Variants in PPP4R2 observed in about 807,000 individuals in gnomAD.
PPP4R2 encodes protein phosphatase 4 regulatory subunit 2.
Under a neutral mutation model 47.2 loss-of-function variants are expected in PPP4R2, and 13 were observed. The observed-to-expected ratio is 0.28, with a 90% CI of 0.18 to 0.44. The LOEUF is 0.44. Among genes scored for constraint, PPP4R2 ranks in the 20% least tolerant of loss-of-function variants. PPP4R2 has a pLI of 1.00. For missense variants in PPP4R2, 421 were observed against 491.2 expected (o/e 0.86, Z 1.35); for synonymous variants, 151 against 163.3 (o/e 0.92, Z 0.57).
At chr3:73,026,021 A>G (rs1702056550) in intron 2 of PPP4R2, among the ~76,000 whole-genome samples, 1 of 151,972 alleles carries the variant, frequency 6.6e-6, no homozygotes, top group Admixed American at 6.6e-5. Flanking sequence ...TCCTAACTTG[A>G]TTTTGCTTGC....
rs145604384 is a variant in PPP4R2 at position 73,003,402 on chromosome 3, G to A, written c.116+5244G>A. ...TAATTTTTGTGTTTTTAGTAGAGAC[G>A]GGGTTTCGCTGTGTTGAACAGGCTG... is the stretch of plus-strand genomic sequence containing the variant. On this transcript the variant is annotated intron_variant, in intron 2 of 8. Coordinates refer to ENST00000356692, the MANE Select transcript of PPP4R2 (RefSeq NM_174907.4). Among the ~76,000 whole-genome samples, 468 of 152,010 alleles carry A rather than the reference G, an allele frequency of 3.1e-3. 6 individuals are homozygous for A. Among genetic ancestry groups the A allele is most frequent in the African/African-American group, 0.011 (457 of 41,478 alleles).
At chr3:73,018,431 A>ATGTTATGTTATGTTATGT in intron 2 of PPP4R2, among the ~76,000 whole-genome samples, 1 of 94,830 alleles carries the variant, frequency 1.1e-5, no homozygotes, top group East Asian at 2.6e-4. Context: ...ATGTTATGTT[A>ATGTTATGTTATGTTATGT]TGTTATGTTA....
At chr3:72,999,229 C>T (rs1394810931) in intron 2 of PPP4R2, among the ~76,000 whole-genome samples, 10 of 152,126 alleles carry the variant, frequency 6.6e-5, no homozygotes, top group Non-Finnish European at 2.9e-5. Flanking sequence ...CTATTTATTA[C>T]ATTAAAAAAT....
At chr3:73,036,455 A>G (rs1339111113) in intron 2 of PPP4R2, among the ~76,000 whole-genome samples, 1 of 152,264 alleles carries the variant, frequency 6.6e-6, no homozygotes, top group Non-Finnish European at 1.5e-5. Context: ...CGATTTGACC[A>G]ATACACGTTG....
At chr3:73,044,634 C>A (rs1702448270) in intron 2 of PPP4R2, among the ~76,000 whole-genome samples, 1 of 151,440 alleles carries the variant, frequency 6.6e-6, no homozygotes, top group Admixed American at 6.6e-5. Context: ...AATACTTGTT[C>A]ACTTGTTTTT....
intron 1 of PPP4R2, chr3:72,997,292 G>C: frequency 2.5e-6 from 1 of 407,354 alleles, no homozygotes; most frequent in Non-Finnish European, 4.4e-6. Flanking sequence ...CTGGGCTGGG[G>C]GAGGGGAGCC....
chr3:73,055,864 C>T (rs1702722543), intron 3 of PPP4R2, among the ~76,000 whole-genome samples: 1 of 152,104 alleles, frequency 6.6e-6, no homozygotes, highest in South Asian at 2.1e-4. Flanking sequence ...CTTCGGCTTC[C>T]CAAAGTCCTG....
intron 2 of PPP4R2, among the ~76,000 whole-genome samples, chr3:73,022,768 C>A (rs1001625725): frequency 1.5e-5 from 2 of 136,974 alleles, no homozygotes; most frequent in Non-Finnish European, 3.2e-5. Flanking sequence ...TGCCGCATTT[C>A]TTTTTTTTTT....
chr3:73,058,089 A>T (rs1702766049), intron 3 of PPP4R2, among the ~76,000 whole-genome samples: 1 of 134,748 alleles, frequency 7.4e-6, no homozygotes, highest in Non-Finnish European at 1.7e-5. Flanking sequence ...TAATAGCTAC[A>T]TGAGCTCAAA....
chr3:73,063,618 G>C, intron 5 of PPP4R2, 55 bp from the exon 6 acceptor site: 1 of 1,019,308 alleles, frequency 9.8e-7, no homozygotes, highest in Non-Finnish European at 1.5e-6. Context: ...GACAGAGCCA[G>C]ACTCCATCTA....
At chr3:73,037,182 G>A (rs557506522) in intron 2 of PPP4R2, among the ~76,000 whole-genome samples, 2 of 152,186 alleles carry the variant, frequency 1.3e-5, no homozygotes, top group African/African-American at 2.4e-5. Context: ...TTCTAGATTA[G>A]ATCTTCATAG....
At chr3:73,063,955 A>G in intron 6 of PPP4R2, 48 bp from the exon 7 acceptor site, 2 of 1,513,896 alleles carry the variant, frequency 1.3e-6, no homozygotes, top group Non-Finnish European at 1.8e-6. Context: ...CTTAAGAGGG[A>G]TGACTTTTTA....
chr3:73,056,636 A>C (rs1357602109), intron 3 of PPP4R2, among the ~76,000 whole-genome samples: 1 of 152,116 alleles, frequency 6.6e-6, no homozygotes, highest in Non-Finnish European at 1.5e-5. Flanking sequence ...CTTTTGAAAA[A>C]AGCTTCTGAA....
chr3:73,002,623 TC>T, intron 2 of PPP4R2, among the ~76,000 whole-genome samples: 6 of 97,498 alleles, frequency 6.2e-5, no homozygotes, highest in South Asian at 4.0e-4. Flanking sequence ...TCTTTTCTTT[TC>T]TTTTCTTTTC....
intron 2 of PPP4R2, among the ~76,000 whole-genome samples, chr3:73,012,020 G>GT (rs1458064703): frequency 1.3e-5 from 2 of 152,114 alleles, no homozygotes; most frequent in Non-Finnish European, 2.9e-5. Context: ...GAGTGAGGTA[G>GT]CTTTCTATCA....
intron 2 of PPP4R2, among the ~76,000 whole-genome samples, chr3:73,012,744 G>T (rs928438104): frequency 6.6e-6 from 1 of 152,162 alleles, no homozygotes; most frequent in Non-Finnish European, 1.5e-5. Flanking sequence ...TAGGGATACT[G>T]TTGTCTATGG....
At chr3:73,033,711 C>G (rs1430245008) in intron 2 of PPP4R2, among the ~76,000 whole-genome samples, 1 of 152,076 alleles carries the variant, frequency 6.6e-6, no homozygotes. Context: ...CCTTCCAATC[C>G]CTGTCTAGCT....
intron 2 of PPP4R2, among the ~76,000 whole-genome samples, chr3:73,037,408 A>G (rs1013502914): frequency 2.0e-5 from 3 of 152,296 alleles, no homozygotes; most frequent in Middle Eastern, 3.4e-3. Flanking sequence ...TATTATTTTA[A>G]GGTAACCAGT....
At chr3:73,062,628 C>G in intron 5 of PPP4R2, 1 of 1,613,994 alleles carries the variant, frequency 6.2e-7, no homozygotes, top group Non-Finnish European at 8.5e-7. Context: ...GTCATCAGTT[C>G]TCCGCCACTG....
Sources: allele counts gnomAD v4.1 joint callset (sites outside exome capture counted in the v4.1 genomes callset), GRCh38; gene constraint gnomAD v4.1.1; transcripts MANE v1.5; gene names NCBI Gene and HGNC (gene_info 2026-07-23, HGNC 2026-07-21).